DCC: variants seen among roughly 807,000 people sequenced by gnomAD.
The protein encoded by DCC is netrin receptor DCC.
Under a neutral mutation model 172.5 loss-of-function variants are expected in DCC, and 58 were observed. The ratio of observed to expected loss-of-function variants is 0.34; its 90% CI spans 0.27 to 0.42. The LOEUF (loss-of-function observed/expected upper bound fraction) is 0.42, where lower values mean the gene tolerates loss of function less well. Ranked by LOEUF, DCC falls within the 10% of genes least tolerant of loss-of-function variation. The probability of loss-of-function intolerance (pLI) is 1.00; values close to 1 mark genes in which losing one functional copy is unlikely to be tolerated. For synonymous variants in DCC, 709 were observed against 644.5 expected (o/e 1.10, Z -1.52); for missense variants, 1,740 against 1,791.0 (o/e 0.97, Z 0.51).
chr18:52,568,352 CA>C (rs2033211474), intron 1 of DCC, among the ~76,000 whole-genome samples: 1 of 151,850 alleles, frequency 6.6e-6, no homozygotes, highest in African/African-American at 2.4e-5. Context: ...AATGGATAAA[CA>C]AACTGATACA....
At chr18:52,611,136 C>A (rs1351265110) in intron 1 of DCC, among the ~76,000 whole-genome samples, 1 of 152,104 alleles carries the variant, frequency 6.6e-6, no homozygotes, top group Non-Finnish European at 1.5e-5. Context: ...TCAGTGACCC[C>A]CCCCTCCTGA....
At chr18:52,951,954 A>G (rs1462776249) in intron 5 of DCC, among the ~76,000 whole-genome samples, 1 of 152,192 alleles carries the variant, frequency 6.6e-6, no homozygotes, top group Non-Finnish European at 1.5e-5. Flanking sequence ...TATGTATGAT[A>G]TGGGGCAGTA....
At chr18:53,088,497 T>C (rs1039842017) in intron 7 of DCC, among the ~76,000 whole-genome samples, 9 of 152,122 alleles carry the variant, frequency 5.9e-5, no homozygotes, top group African/African-American at 2.2e-4. Context: ...CTTAAGGAGA[T>C]TTGGGGCTGA....
At chr18:52,473,185 A>G (rs1988995584) in intron 1 of DCC, among the ~76,000 whole-genome samples, 1 of 152,164 alleles carries the variant, frequency 6.6e-6, no homozygotes, top group Non-Finnish European at 1.5e-5. Context: ...AGGAGTCAAA[A>G]CAGGCAGGCT....
chr18:52,349,348 T>A (rs927342849), intron 1 of DCC, among the ~76,000 whole-genome samples: 7 of 152,182 alleles, frequency 4.6e-5, no homozygotes, highest in Admixed American at 6.5e-5. Context: ...CTGAGACATC[T>A]AAGCAAACCC....
At chr18:53,493,558 G>A (rs1599214795) in intron 26 of DCC, among the ~76,000 whole-genome samples, 1 of 152,152 alleles carries the variant, frequency 6.6e-6, no homozygotes, top group Admixed American at 6.6e-5. Flanking sequence ...TTTGCACAGA[G>A]GTGTTTATAG....
At chr18:52,637,569 A>G (rs2034806565) in intron 1 of DCC, among the ~76,000 whole-genome samples, 1 of 152,258 alleles carries the variant, frequency 6.6e-6, no homozygotes, top group Non-Finnish European at 1.5e-5. Flanking sequence ...AAAGAAATTC[A>G]GAGCTCAAAG....
At chr18:53,120,045 G>C (rs578155835) in intron 7 of DCC, among the ~76,000 whole-genome samples, 40 of 151,644 alleles carry the variant, frequency 2.6e-4, no homozygotes, top group Non-Finnish European at 5.3e-4. Flanking sequence ...ATTGAGTTTT[G>C]TCATAAATAT....
At chr18:53,370,261 G>A (rs951894404) in intron 15 of DCC, among the ~76,000 whole-genome samples, 2 of 151,630 alleles carry the variant, frequency 1.3e-5, no homozygotes, top group African/African-American at 4.8e-5. Context: ...GTACTCTGTT[G>A]TAATCCTTCT....
At chr18:53,151,686 T>G (rs2054644009) in intron 7 of DCC, among the ~76,000 whole-genome samples, 1 of 152,126 alleles carries the variant, frequency 6.6e-6, no homozygotes, top group Admixed American at 6.5e-5. Flanking sequence ...ATGGAGTACA[T>G]TAAGTTTCAT....
At chr18:53,229,238 G>A (rs1051100664) in intron 12 of DCC, among the ~76,000 whole-genome samples, 1 of 152,042 alleles carries the variant, frequency 6.6e-6, no homozygotes, top group Non-Finnish European at 1.5e-5. Context: ...ATATGCAAAG[G>A]CAAAGTTATG....
chr18:53,194,891 A>G (rs1045126122), intron 9 of DCC, among the ~76,000 whole-genome samples: 1 of 152,254 alleles, frequency 6.6e-6, no homozygotes, highest in African/African-American at 2.4e-5. Flanking sequence ...TCTTCTAACA[A>G]TACTGACAGT....
intron 12 of DCC, among the ~76,000 whole-genome samples, chr18:53,300,263 G>T (rs187851755): frequency 1.8e-4 from 28 of 152,254 alleles, no homozygotes; most frequent in Admixed American, 1.0e-3. Context: ...GTGCTTTGTG[G>T]TTATGCTTAG....
rs1188786100 is a variant in DCC, at chr18:53,099,931, TTTTC to T, written c.1261+33777_1261+33780del. Among the ~76,000 whole-genome samples, 294 of 120,622 alleles carry T rather than the reference TTTTC, an allele frequency of 2.4e-3. 14 individuals are homozygous for T. The highest frequency in any genetic ancestry group is 3.6e-3 in the South Asian group (15 of 4,210). 79.1% of individuals were successfully genotyped at this position (120,622 alleles called of 152,430 possible). A position where few individuals can be genotyped will look rare whatever the true frequency, so the allele number is the denominator to read the frequency against. ...ACTCACTTAAGAGACTTTTCTTTTC[TTTTC>T]TTTCTTTCTTTTTTTTTTTTTTTTT... On this transcript the variant is annotated intron_variant, in intron 7 of 28. Coordinates refer to ENST00000442544, the MANE Select transcript of DCC (RefSeq NM_005215.4).
chr18:52,628,659 G>C (rs1190720941), intron 1 of DCC, among the ~76,000 whole-genome samples: 1 of 152,200 alleles, frequency 6.6e-6, no homozygotes, highest in African/African-American at 2.4e-5. Flanking sequence ...AAGCTCCAGA[G>C]CCCTGGGAGA....
At chr18:52,938,334 G>A (rs2040411407) in intron 5 of DCC, among the ~76,000 whole-genome samples, 1 of 152,168 alleles carries the variant, frequency 6.6e-6, no homozygotes, top group South Asian at 2.1e-4. Context: ...AACTGTGGAA[G>A]TGGGAGTAGA....
At chr18:52,507,785 C>G (rs1244150067) in intron 1 of DCC, among the ~76,000 whole-genome samples, 2 of 152,006 alleles carry the variant, frequency 1.3e-5, no homozygotes, top group Non-Finnish European at 1.5e-5. Flanking sequence ...TTTCTGGTTT[C>G]CCTCTGCTAT....
chr18:52,592,791 G>A lies in DCC; in HGVS notation c.92-159263G>A, dbSNP rs143136177. 6.6e-4 allele frequency among the ~76,000 whole-genome samples: 100 copies of A among 152,150 alleles called. 3 individuals are homozygous for A. The East Asian group carries it at 0.016, about 24-fold the overall frequency. On this transcript the variant is annotated intron_variant, in intron 1 of 28. Coordinates refer to ENST00000442544, the MANE Select transcript of DCC (RefSeq NM_005215.4). ...TGGGATTACAGGCGTGTGCTTCCAC[G>A]CCCATCTAATTGTGCGTGTGTGTGT... is the stretch of plus-strand genomic sequence containing the variant.
chr18:53,136,193 T>TTATC (rs149182187), intron 7 of DCC, among the ~76,000 whole-genome samples: 3,259 of 149,028 alleles, frequency 0.022, 122 homozygotes, highest in African/African-American at 0.076. Flanking sequence ...GCATGTGATT[T>TTATC]TATCTATCTA....
Sources: gnomAD v4.1 joint callset for allele counts (sites outside exome capture counted in the v4.1 genomes callset) on GRCh38, gnomAD v4.1.1 for gene constraint, MANE v1.5 for transcripts, NCBI Gene and HGNC (gene_info 2026-07-23, HGNC 2026-07-21) for gene names.